Variants in CLIP2 observed in about 807,000 individuals in gnomAD.
CLIP2 encodes the protein CAP-Gly domain-containing linker protein 2.
Under a neutral mutation model 111.7 loss-of-function variants are expected in CLIP2, and 41 were observed. The observed-to-expected ratio is 0.37, with a 90% confidence interval of 0.29 to 0.48. The LOEUF (loss-of-function observed/expected upper bound fraction) is 0.48, where lower values mean the gene tolerates loss of function less well. Ranked by LOEUF, CLIP2 falls within the 20% of genes least tolerant of loss-of-function variation. The probability of loss-of-function intolerance (pLI) is 0.99; values close to 1 mark genes in which losing one functional copy is unlikely to be tolerated. For missense variants in CLIP2, 1,160 were observed against 1,422.1 expected, an observed-to-expected ratio of 0.82 and a Z score of 2.96; for synonymous variants, 660 against 644.2, an observed-to-expected ratio of 1.02 and a Z score of -0.37.
intron 3 of CLIP2, 81 bp downstream of exon 3, chr7:74,339,085 C>G: frequency 1.4e-6 from 2 of 1,409,714 alleles, no homozygotes; most frequent in African/African-American, 1.4e-5. Flanking sequence ...GCTGGACCCC[C>G]CTGGGCTGGG....
At chr7:74,325,182 AG>A (rs1461492174) in intron 2 of CLIP2, among the ~76,000 whole-genome samples, 2 of 152,024 alleles carry the variant, frequency 1.3e-5, no homozygotes, top group East Asian at 1.9e-4. Context: ...CCCAGTGGAG[AG>A]GGGAGGGCCT....
chr7:74,337,570 T>C (rs1206631345), intron 2 of CLIP2, among the ~76,000 whole-genome samples: 6 of 149,212 alleles, frequency 4.0e-5, no homozygotes, highest in Non-Finnish European at 8.9e-5. Context: ...ACAGTTTCCT[T>C]GAGAAGTGGA....
chr7:74,386,477 G>A, intron 11 of CLIP2, 44 bp from the exon 12 acceptor site: 1 of 1,545,618 alleles, frequency 6.5e-7, no homozygotes, highest in Non-Finnish European at 8.9e-7. Flanking sequence ...CTGCTGCTTT[G>A]GTCCAGGAGC....
Position 74,356,498 on chromosome 7 carries a change from G to C in CLIP2, c.892G>C (p.Ala298Pro), listed in dbSNP as rs1790150018. The change falls in exon 5 of 17, where the codon GCC (alanine) becomes CCC (proline). Residue 298 changes from alanine to proline, a missense_variant. Around this residue, in one of 5 missense-constraint regions of CLIP2, gnomAD observed 110 missense variants for 185.2 expected, o/e 0.59. Transcript: ENST00000223398. ...CTTCCCATCTACCAGCCCAGCCAAG[G>C]CCAAGAAGACCAAGCGTATGGCCAT... is the stretch of plus-strand genomic sequence containing the variant. ...IGFPSTSPAK[A>P]KKTKRMAMGV... The C allele has an allele frequency of 1.2e-6, 2 of 1,614,056 alleles. No individual in the cohort carries two copies. The highest frequency in any genetic ancestry group is 2.2e-5 in the South Asian group (2 of 91,088).
At chr7:74,359,835 A>T (rs1257403832) in intron 6 of CLIP2, among the ~76,000 whole-genome samples, 1 of 152,116 alleles carries the variant, frequency 6.6e-6, no homozygotes, top group Non-Finnish European at 1.5e-5. Flanking sequence ...CCCTCCTTGG[A>T]TGCCAGGATC....
At chr7:74,349,235 A>G (rs1789900140) in intron 3 of CLIP2, among the ~76,000 whole-genome samples, 1 of 151,816 alleles carries the variant, frequency 6.6e-6, no homozygotes, top group East Asian at 1.9e-4. Context: ...GACCGAGACC[A>G]TCTTGGCCAA....
chr7:74,398,263 G>A (rs1584394867), intron 14 of CLIP2, among the ~76,000 whole-genome samples: 1 of 152,062 alleles, frequency 6.6e-6, no homozygotes, highest in Non-Finnish European at 1.5e-5. Context: ...GGAGGTTGAG[G>A]CAGGAGAATC....
At chr7:74,395,310 C>T (rs1208497491) in intron 13 of CLIP2, among the ~76,000 whole-genome samples, 1 of 152,156 alleles carries the variant, frequency 6.6e-6, no homozygotes, top group Non-Finnish European at 1.5e-5. Context: ...CAGGCATGCA[C>T]TACCACGCCC....
chr7:74,300,835 C>G (rs1381411117), intron 1 of CLIP2, among the ~76,000 whole-genome samples: 3 of 152,156 alleles, frequency 2.0e-5, no homozygotes, highest in Non-Finnish European at 4.4e-5. Context: ...CCTCCCTTGA[C>G]GGACACATAT....
chr7:74,339,131 C>A, intron 3 of CLIP2, 127 bp downstream of exon 3: 1 of 773,056 alleles, frequency 1.3e-6, no homozygotes, highest in Admixed American at 2.9e-5. Context: ...GGACAGGGTC[C>A]AGCCTGGGAC....
chr7:74,309,057 T>A (rs1244352169), intron 1 of CLIP2, among the ~76,000 whole-genome samples: 1 of 151,804 alleles, frequency 6.6e-6, no homozygotes, highest in Non-Finnish European at 1.5e-5. Flanking sequence ...TTTGTAGAGA[T>A]AGATTTTCGC....
chr7:74,374,042 G>A (rs934229852), intron 9 of CLIP2, among the ~76,000 whole-genome samples: 26 of 152,184 alleles, frequency 1.7e-4, no homozygotes, highest in Admixed American at 2.6e-4. Flanking sequence ...TACCATGCAC[G>A]CCTGGGACCC....
intron 2 of CLIP2, among the ~76,000 whole-genome samples, chr7:74,336,913 TCTCA>T (rs782056266): frequency 3.5e-5 from 5 of 142,434 alleles, no homozygotes; most frequent in Non-Finnish European, 6.0e-5. Context: ...TGAGACAGAG[TCTCA>T]CTCTGTCACC....
chr7:74,391,665 C>A (rs1445474294), intron 13 of CLIP2, among the ~76,000 whole-genome samples: 5 of 151,204 alleles, frequency 3.3e-5, no homozygotes, highest in Non-Finnish European at 7.4e-5. Flanking sequence ...ACTAAAAATA[C>A]AAAAATTAGC....
intron 11 of CLIP2, 105 bp from the exon 12 acceptor site, chr7:74,386,416 C>G (rs1791100943): frequency 1.2e-6 from 1 of 858,010 alleles, no homozygotes; most frequent in East Asian, 3.0e-5. Flanking sequence ...CCCTGGAGGC[C>G]AAGTGTGACC....
chr7:74,308,852 C>A (rs537250185), intron 1 of CLIP2, among the ~76,000 whole-genome samples: 15 of 151,924 alleles, frequency 9.9e-5, no homozygotes, highest in Non-Finnish European at 1.6e-4. Flanking sequence ...CCACCATGCC[C>A]GGCCCTTTTT....
rs782572416 is a variant in CLIP2 at position 74,389,169 on chromosome 7, T to C, written c.2630T>C (p.Leu877Pro). ...GCCCTCCTGAAGGAGAAGCGGCGCCTGGAGGCAGAGCTGGAGACCGTGTCC... is the reference window on the plus strand; with the variant it reads ...GCCCTCCTGAAGGAGAAGCGGCGCCCGGAGGCAGAGCTGGAGACCGTGTCC... Reference protein sequence around the residue: ...VDALLKEKRRLEAELETVSRK... With the variant: ...VDALLKEKRRPEAELETVSRK... Residue 877 changes from leucine to proline, a missense_variant, in exon 13 of 17, where the codon CTG becomes CCG. Physicochemically the swap from Leu to Pro is moderately conservative, Grantham distance 98. Coordinates refer to ENST00000223398, the MANE Select transcript of CLIP2 (RefSeq NM_003388.5). 3.1e-6 allele frequency: 5 copies of C among 1,613,688 alleles called. No individual in the cohort carries two copies. The Admixed American group carries it at 8.3e-5, about 27-fold the overall frequency.
intron 2 of CLIP2, among the ~76,000 whole-genome samples, chr7:74,335,728 T>C (rs13244120): frequency 3.3e-5 from 5 of 149,918 alleles, no homozygotes; most frequent in African/African-American, 7.4e-5. Context: ...TTCCTTCCTT[T>C]CTTTCTTTTC....
At chr7:74,300,078 C>T (rs560135767) in intron 1 of CLIP2, among the ~76,000 whole-genome samples, 2 of 152,028 alleles carry the variant, frequency 1.3e-5, no homozygotes, top group Non-Finnish European at 2.9e-5. Flanking sequence ...CCTCCGCCTC[C>T]TGGGTTCAAG....
Sources: allele counts gnomAD v4.1 joint callset (sites outside exome capture counted in the v4.1 genomes callset), GRCh38; gene constraint gnomAD v4.1.1; regional missense constraint gnomAD v4.1.1; transcripts MANE v1.5; gene names NCBI Gene and HGNC (gene_info 2026-07-23, HGNC 2026-07-21).